Variants in RTL4 observed in about 807,000 individuals in gnomAD.
RTL4 encodes retrotransposon Gag like 4.
Under a neutral mutation model 5.3 loss-of-function variants are expected in RTL4, and 4 were observed. The ratio of observed to expected loss-of-function variants is 0.75; its 90% CI spans 0.37 to 1.72. The LOEUF (loss-of-function observed/expected upper bound fraction) is 1.72, where lower values mean the gene tolerates loss of function less well. RTL4 is among the 40% of genes most tolerant of loss of function. The pLI is 0.04. For missense variants in RTL4, 260 were observed against 227.1 expected (o/e 1.14, Z -0.93); for synonymous variants, 98 against 87.3 (o/e 1.12, Z -0.68).
the RTL4 span, among the ~76,000 whole-genome samples, chrX:112,156,795 C>T: frequency 9.0e-6 from 1 of 111,362 alleles, no homozygotes; most frequent in East Asian, 2.8e-4. Flanking sequence ...GTCTAAATTC[C>T]TGGATGGCTC....
the RTL4 span, among the ~76,000 whole-genome samples, chrX:112,099,102 A>T: frequency 1.8e-5 from 2 of 112,077 alleles, no homozygotes; most frequent in East Asian, 2.8e-4. Flanking sequence ...CAGGCAACCT[A>T]CACAATGGGA....
At chrX:112,205,176 G>A in the RTL4 span, among the ~76,000 whole-genome samples, 1 of 110,193 alleles carries the variant, frequency 9.1e-6, no homozygotes, top group Admixed American at 9.6e-5. Context: ...GACATGAGAG[G>A]AAGAGGATAC....
At chrX:112,309,370 A>G in the RTL4 span, among the ~76,000 whole-genome samples, 5 of 110,524 alleles carry the variant, frequency 4.5e-5, no homozygotes, top group African/African-American at 1.6e-4. Flanking sequence ...AAACCTAACT[A>G]CCACCCCAAA....
chrX:112,311,367 G>C, the RTL4 span, among the ~76,000 whole-genome samples: 1 of 111,010 alleles, frequency 9.0e-6, no homozygotes, highest in South Asian at 3.8e-4. Flanking sequence ...GATGTTGGCT[G>C]TACTTCTAAA....
the RTL4 span, among the ~76,000 whole-genome samples, chrX:112,397,160 G>A: frequency 9.0e-6 from 1 of 111,418 alleles, no homozygotes; most frequent in Non-Finnish European, 1.9e-5. Context: ...CTATCTATTG[G>A]AGATTGCTTC....
At chrX:112,329,151 C>G in the RTL4 span, among the ~76,000 whole-genome samples, 7 of 110,655 alleles carry the variant, frequency 6.3e-5, no homozygotes, top group East Asian at 8.5e-4. Flanking sequence ...CAAGAAATAA[C>G]TAAAATCAGA....
the RTL4 span, among the ~76,000 whole-genome samples, chrX:112,161,981 G>A: frequency 1.2e-4 from 13 of 108,188 alleles, no homozygotes; most frequent in Admixed American, 6.1e-4. Context: ...AGAACTTCAC[G>A]CAATAATGCC....
the RTL4 span, among the ~76,000 whole-genome samples, chrX:112,440,226 G>A: frequency 9.0e-6 from 1 of 111,728 alleles, no homozygotes; most frequent in East Asian, 2.8e-4. Context: ...CACTTATAAT[G>A]CAAGTTAAAT....
the RTL4 span, among the ~76,000 whole-genome samples, chrX:112,295,682 C>T: frequency 3.6e-5 from 4 of 112,666 alleles, no homozygotes; most frequent in Non-Finnish European, 7.5e-5. Context: ...TCATTTTCAA[C>T]TGTAGCTGAT....
exon 1 of RTL4, chrX:112,455,706 ACTGATTTATAAC>A: frequency 9.0e-7 from 1 of 1,109,180 alleles, no homozygotes; most frequent in Non-Finnish European, 1.2e-6. Flanking sequence ...TCCCAGCCTT[ACTGATTTATAAC>A]CTGCATTAAC....
the RTL4 span, among the ~76,000 whole-genome samples, chrX:112,171,690 C>A: frequency 1.3e-4 from 14 of 111,348 alleles, no homozygotes; most frequent in African/African-American, 4.6e-4. Flanking sequence ...ATTCCTTACA[C>A]CTTGTATAAA....
At chrX:112,117,388 C>A in the RTL4 span, among the ~76,000 whole-genome samples, 1 of 107,619 alleles carries the variant, frequency 9.3e-6, no homozygotes, top group African/African-American at 3.4e-5. Flanking sequence ...CACTATTTAC[C>A]ATATAATCGT....
At chrX:112,127,170 AAAT>A in the RTL4 span, among the ~76,000 whole-genome samples, 1 of 111,896 alleles carries the variant, frequency 8.9e-6, no homozygotes, top group Non-Finnish European at 1.9e-5. Context: ...ATCCTCAGCC[AAAT>A]AATATCAAAC....
the RTL4 span, among the ~76,000 whole-genome samples, chrX:112,359,077 T>C: frequency 1.8e-5 from 2 of 111,882 alleles, no homozygotes. Flanking sequence ...GAGTCTATAA[T>C]ATATCAAACC....
the RTL4 span, among the ~76,000 whole-genome samples, chrX:112,354,172 G>T: frequency 9.0e-6 from 1 of 111,329 alleles, no homozygotes; most frequent in South Asian, 3.8e-4. Context: ...GCCCCTTGAG[G>T]GGATGCAGTT....
chrX:112,183,820 T>C, the RTL4 span, among the ~76,000 whole-genome samples: 2 of 111,187 alleles, frequency 1.8e-5, no homozygotes, highest in East Asian at 2.9e-4. Flanking sequence ...TAATAAAAAA[T>C]TTAATTAGAA....
chrX:112,263,539 A>G, the RTL4 span, among the ~76,000 whole-genome samples: 8 of 112,150 alleles, frequency 7.1e-5, no homozygotes, highest in Non-Finnish European at 1.9e-5. Context: ...GTTAGATTGC[A>G]CATATAAGTT....
At chrX:112,353,687 G>T in the RTL4 span, among the ~76,000 whole-genome samples, 8 of 110,132 alleles carry the variant, frequency 7.3e-5, no homozygotes, top group Non-Finnish European at 5.7e-5. Context: ...CTGTTGTGGG[G>T]TATGGGGAGT....
the RTL4 span, among the ~76,000 whole-genome samples, chrX:112,177,617 C>A: frequency 9.3e-6 from 1 of 107,094 alleles, no homozygotes; most frequent in Non-Finnish European, 1.9e-5. Flanking sequence ...CAAATATTTT[C>A]TGCCGTTCTG....
Sources: allele counts gnomAD v4.1 joint callset (sites outside exome capture counted in the v4.1 genomes callset), GRCh38; gene constraint gnomAD v4.1.1; transcripts MANE v1.5; gene names NCBI Gene and HGNC (gene_info 2026-07-23, HGNC 2026-07-21).